Variants in DTNBP1 observed in about 807,000 individuals in gnomAD.
The protein encoded by DTNBP1 is dysbindin.
In DTNBP1, 35 loss-of-function variants were observed where a neutral mutation model predicts 42.8. The ratio of observed to expected loss-of-function variants is 0.82; its 90% CI spans 0.63 to 1.09. The LOEUF is 1.09. Ranked by LOEUF, DTNBP1 falls within the 50% of genes least tolerant of loss-of-function variation. DTNBP1 has a pLI of 0.00. For synonymous variants in DTNBP1, 171 were observed against 162.2 expected (o/e 1.05, Z -0.41); for missense variants, 457 against 424.2 (o/e 1.08, Z -0.68).
chr6:15,533,121 CT>C, intron 8 of DTNBP1, 118 bp downstream of exon 8: 7 of 1,507,162 alleles, frequency 4.6e-6, no homozygotes, highest in Non-Finnish European at 6.3e-6. Context: ...TTGCTGGGGT[CT>C]CATAACAGAA....
chr6:15,566,147 T>C (rs955775313), intron 7 of DTNBP1, among the ~76,000 whole-genome samples: 2 of 151,686 alleles, frequency 1.3e-5, no homozygotes, highest in Non-Finnish European at 2.9e-5. Context: ...ACCCCGTCTC[T>C]ACTAAAAATA....
At chr6:15,609,596 G>A (rs911000054) in intron 6 of DTNBP1, among the ~76,000 whole-genome samples, 1 of 152,300 alleles carries the variant, frequency 6.6e-6, no homozygotes, top group African/African-American at 2.4e-5. Flanking sequence ...TGGGAGTACA[G>A]GCGTGAGCCA....
intron 6 of DTNBP1, chr6:15,595,094 C>G: frequency 2.2e-6 from 1 of 456,146 alleles, no homozygotes; most frequent in Non-Finnish European, 4.4e-6. Flanking sequence ...CTCTGTCACA[C>G]AGCGTCATGA....
chr6:15,572,365 C>T (rs896300155), intron 7 of DTNBP1, among the ~76,000 whole-genome samples: 8 of 152,130 alleles, frequency 5.3e-5, no homozygotes, highest in Admixed American at 3.9e-4. Flanking sequence ...GACTTCTCCC[C>T]ACCATATGTA....
chr6:15,657,987 C>T (rs1254760313), intron 1 of DTNBP1, among the ~76,000 whole-genome samples: 3 of 152,184 alleles, frequency 2.0e-5, no homozygotes, highest in East Asian at 1.9e-4. Flanking sequence ...ACTCTTTCTT[C>T]GGACTCACAT....
At chr6:15,660,479 T>C (rs1163184668) in intron 1 of DTNBP1, 3 of 1,289,658 alleles carry the variant, frequency 2.3e-6, no homozygotes, top group Non-Finnish European at 3.0e-6. Flanking sequence ...GACAGGCTAA[T>C]GGCACACACT....
chr6:15,656,808 G>C (rs905283842), intron 1 of DTNBP1, among the ~76,000 whole-genome samples: 1 of 152,148 alleles, frequency 6.6e-6, no homozygotes, highest in Non-Finnish European at 1.5e-5. Flanking sequence ...GTACTACAAT[G>C]ACTGCTGAGA....
intron 6 of DTNBP1, among the ~76,000 whole-genome samples, chr6:15,609,831 T>C (rs994044743): frequency 9.9e-5 from 15 of 152,054 alleles, no homozygotes; most frequent in African/African-American, 3.6e-4. Context: ...CATCAGAGGG[T>C]GGTAAGAGCA....
At chr6:15,636,884 G>A (rs1297591876) in intron 4 of DTNBP1, among the ~76,000 whole-genome samples, 3 of 151,978 alleles carry the variant, frequency 2.0e-5, no homozygotes, top group African/African-American at 7.3e-5. Context: ...TAATTTTTGT[G>A]GGCTTAATGT....
chr6:15,540,648 TTTTTC>T (rs1773502665), intron 7 of DTNBP1, among the ~76,000 whole-genome samples: 1 of 152,114 alleles, frequency 6.6e-6, no homozygotes, highest in Admixed American at 6.5e-5. Context: ...TAAAATGACT[TTTTTC>T]TTTTTTGACA....
intron 8 of DTNBP1, among the ~76,000 whole-genome samples, chr6:15,528,296 G>A (rs76315865): frequency 0.013 from 1,927 of 152,316 alleles, 39 homozygotes; most frequent in African/African-American, 0.042. Flanking sequence ...GTGCCAGATC[G>A]TTCTTGGTTG....
At chr6:15,571,421 T>C (rs930834334) in intron 7 of DTNBP1, among the ~76,000 whole-genome samples, 5 of 152,212 alleles carry the variant, frequency 3.3e-5, no homozygotes, top group South Asian at 2.1e-4. Context: ...TCTTTAAAGA[T>C]TGTAAATCAC....
At chr6:15,547,614 A>T (rs2113391557) in intron 7 of DTNBP1, among the ~76,000 whole-genome samples, 1 of 152,310 alleles carries the variant, frequency 6.6e-6, no homozygotes, top group East Asian at 1.9e-4. Flanking sequence ...AGCAACCAAA[A>T]TGCATAATCA....
intron 7 of DTNBP1, among the ~76,000 whole-genome samples, chr6:15,579,460 T>C (rs1047309139): frequency 6.6e-6 from 1 of 152,246 alleles, no homozygotes; most frequent in African/African-American, 2.4e-5. Flanking sequence ...CTGTGTTCTA[T>C]AGCACTGTAG....
chr6:15,579,819 A>C, intron 7 of DTNBP1: 1 of 454,616 alleles, frequency 2.2e-6, no homozygotes, highest in East Asian at 7.0e-5. Context: ...AAAAAAGAAA[A>C]AAAGAAAAGA....
chr6:15,607,010 A>AAT (rs779151958), intron 6 of DTNBP1, among the ~76,000 whole-genome samples: 1 of 138,060 alleles, frequency 7.2e-6, no homozygotes, highest in African/African-American at 2.7e-5. Flanking sequence ...TCAAAAAAAA[A>AAT]TTTTTTTTTT....
chr6:15,583,302 A>G (rs1057274073), intron 7 of DTNBP1, among the ~76,000 whole-genome samples: 1 of 152,196 alleles, frequency 6.6e-6, no homozygotes, highest in Non-Finnish European at 1.5e-5. Flanking sequence ...TATTTATGCT[A>G]TAGGCATACC....
intron 3 of DTNBP1, among the ~76,000 whole-genome samples, chr6:15,638,924 T>C (rs1300085495): frequency 6.6e-6 from 1 of 151,614 alleles, no homozygotes; most frequent in Non-Finnish European, 1.5e-5. Flanking sequence ...CCTCAACCTC[T>C]TGGACTCAAG....
chr6:15,627,084 A>G (rs1759389053), intron 5 of DTNBP1, among the ~76,000 whole-genome samples: 1 of 152,238 alleles, frequency 6.6e-6, no homozygotes, highest in South Asian at 2.1e-4. Context: ...CAACAAAGAC[A>G]ACCTGAGTCA....
Sources: gnomAD v4.1 joint callset for allele counts (sites outside exome capture counted in the v4.1 genomes callset) on GRCh38, gnomAD v4.1.1 for gene constraint, MANE v1.5 for transcripts, NCBI Gene and HGNC (gene_info 2026-07-23, HGNC 2026-07-21) for gene names.